The following MRE11 variants were observed in gnomAD, a reference collection of about 807,000 sequenced individuals.
MRE11 encodes the protein MRE11 double strand break repair nuclease, also known as double-strand break repair protein MRE11.
Under a neutral mutation model 91.7 loss-of-function variants are expected in MRE11, and 62 were observed. The ratio of observed to expected loss-of-function variants is 0.68; its 90% confidence interval spans 0.55 to 0.84. MRE11 has a LOEUF of 0.84. Ranked by LOEUF, MRE11 falls within the 40% of genes least tolerant of loss-of-function variation. The pLI is 0.00. For synonymous variants in MRE11, 273 were observed against 271.4 expected (o/e 1.01, Z -0.06); for missense variants, 796 against 852.9 (o/e 0.93, Z 0.83).
chr11:94,450,600 G>A (rs1259178179), intron 14 of MRE11, among the ~76,000 whole-genome samples: 68 of 151,990 alleles, frequency 4.5e-4, no homozygotes, highest in Non-Finnish European at 1.5e-5. Flanking sequence ...GCAAAAACCT[G>A]CCTCCTGAAA....
chr11:94,430,351 T>C (rs1945431495), intron 18 of MRE11, among the ~76,000 whole-genome samples: 4 of 152,206 alleles, frequency 2.6e-5, no homozygotes, highest in South Asian at 2.1e-4. Context: ...TACTTACTTA[T>C]ATTATTATAG....
chr11:94,465,054 G>A (rs899988750), intron 10 of MRE11, among the ~76,000 whole-genome samples: 4 of 152,060 alleles, frequency 2.6e-5, no homozygotes, highest in South Asian at 2.1e-4. Context: ...TAAGCTCGAC[G>A]AATTCAAAAC....
At chr11:94,489,294 G>A (rs1661231103) in intron 3 of MRE11, among the ~76,000 whole-genome samples, 1 of 151,676 alleles carries the variant, frequency 6.6e-6, no homozygotes, top group Non-Finnish European at 1.5e-5. Flanking sequence ...AGATGTGCAA[G>A]GGCCTCAGAG....
chr11:94,509,376 T>C, the MRE11 span, among the ~76,000 whole-genome samples: 1 of 152,210 alleles, frequency 6.6e-6, no homozygotes, highest in Admixed American at 6.5e-5. Flanking sequence ...TTTTCTCTAT[T>C]GACCATGTGT....
upstream of MRE11, among the ~76,000 whole-genome samples, chr11:94,494,858 T>G (rs1026228890): frequency 6.6e-6 from 1 of 152,162 alleles, no homozygotes; most frequent in Non-Finnish European, 1.5e-5. Context: ...CAAGTGAACT[T>G]TTATTTATTA....
At chr11:94,486,258 T>C (rs1375894076) in intron 3 of MRE11, among the ~76,000 whole-genome samples, 174 bp from the exon 4 acceptor site, 4 of 152,248 alleles carry the variant, frequency 2.6e-5, no homozygotes, top group Non-Finnish European at 5.9e-5. Context: ...AATCTGGTTC[T>C]AATTTAGCTG....
intron 10 of MRE11, chr11:94,466,484 T>A: frequency 1.9e-6 from 1 of 532,352 alleles, no homozygotes; most frequent in Non-Finnish European, 3.9e-6. Context: ...TTAGATCTCA[T>A]AAATCTACGA....
At chr11:94,477,081 T>C (rs748737283) in intron 6 of MRE11, among the ~76,000 whole-genome samples, 1 of 152,202 alleles carries the variant, frequency 6.6e-6, no homozygotes, top group East Asian at 1.9e-4. Context: ...ATTTCAGACA[T>C]ATACATGTTC....
upstream of MRE11, chr11:94,497,001 G>A: frequency 1.2e-6 from 2 of 1,607,110 alleles, no homozygotes; most frequent in South Asian, 2.2e-5. Context: ...AAAGCACTGG[G>A]TTCAAGCCAG....
rs876658586 is a variant in MRE11 at position 94,479,712 on chromosome 11, C to G, written c.364G>C (p.Val122Leu). The G allele has an allele frequency of 1.4e-5, 22 of 1,612,982 alleles. No homozygotes were observed. The highest frequency in any genetic ancestry group is 1.9e-5 in the Non-Finnish European group (22 of 1,179,700). Residue 122 changes from valine (V) to leucine (L), a missense_variant, in exon 5 of 20, where the codon GTG (valine) becomes CTG (leucine). Coordinates refer to ENST00000323929, the MANE Select transcript of MRE11 (RefSeq NM_005591.4). ...TCATGATTGCCATGAATACTAAACA[C>G]TGGAATTGAAATGTTGAGGTTGCCA... ...QDGNLNISIP[V>L]FSIHGNHDDP...
At chr11:94,448,647 A>C (rs1323351054) in intron 14 of MRE11, among the ~76,000 whole-genome samples, 3 of 152,054 alleles carry the variant, frequency 2.0e-5, no homozygotes, top group Non-Finnish European at 4.4e-5. Context: ...ATTAAGGAGA[A>C]TATATCAACT....
At chr11:94,508,763 CTT>C in the MRE11 span, among the ~76,000 whole-genome samples, 14 of 139,064 alleles carry the variant, frequency 1.0e-4, no homozygotes, top group African/African-American at 2.1e-4. Flanking sequence ...CTACATTTAC[CTT>C]TTTTTTTTTT....
chr11:94,504,818 CTT>C, the MRE11 span, among the ~76,000 whole-genome samples: 4 of 152,116 alleles, frequency 2.6e-5, no homozygotes, highest in Non-Finnish European at 5.9e-5. Context: ...TTGATAAAGA[CTT>C]CATTTTTTAC....
In MRE11 at chr11:94,459,430, A is replaced by C. The variant is rs786203158; in HGVS notation, c.1478T>G (p.Leu493Arg). Residue 493 changes from leucine to arginine, a missense_variant, in exon 13 of 20, where the codon CTC (leucine) becomes CGC (arginine). Leu to Arg is a moderately radical substitution (Grantham distance 102, BLOSUM62 -2). Coordinates refer to ENST00000323929, the MANE Select transcript of MRE11 (RefSeq NM_005591.4). Reference protein sequence around the residue: ...RFLKERHIDALEDKIDEEVRR... With the variant: ...RFLKERHIDAREDKIDEEVRR... ...TACCTCCTCATCGATTTTGTCTTCG[A>C]GGGCATCAATATGACGTTCTTTAAG... is the stretch of plus-strand genomic sequence containing the variant. The C allele has an allele frequency of 3.1e-6, 5 of 1,613,888 alleles. No individual in the cohort carries two copies. In the Admixed American group the frequency reaches 8.3e-5, roughly 27 times the overall value.
At position 94,435,919 on chromosome 11, in the gene MRE11, A is replaced by G; in HGVS notation, c.1927-20T>C. The G allele has an allele frequency of 6.2e-7, 1 of 1,608,220 alleles. No homozygotes were observed. The highest frequency in any genetic ancestry group is 8.5e-7 in the Non-Finnish European group (1 of 1,174,942). On this transcript the variant is annotated intron_variant, in intron 17 of 19. Coordinates refer to ENST00000323929, the MANE Select transcript of MRE11 (RefSeq NM_005591.4). The stretch of plus-strand genomic sequence containing the variant: ...AATCACCTGGCAAGGAAACAAAGCA[A>G]CAAACAGTTTTTGTGAGAATAGACT...
At chr11:94,494,625 A>C (rs555505826), upstream of MRE11, among the ~76,000 whole-genome samples, 77 of 152,266 alleles carry the variant, frequency 5.1e-4, no homozygotes, top group South Asian at 1.4e-3. Context: ...TATCAGGAAT[A>C]TCATCATCAA....
intron 19 of MRE11, among the ~76,000 whole-genome samples, chr11:94,424,381 T>G (rs1325551250): frequency 1.3e-5 from 2 of 152,106 alleles, no homozygotes; most frequent in Admixed American, 6.5e-5. Flanking sequence ...TACACTGCAG[T>G]TAAAGGAACA....
At chr11:94,421,335 A>G (rs951376916) in intron 19 of MRE11, among the ~76,000 whole-genome samples, 5 of 152,250 alleles carry the variant, frequency 3.3e-5, no homozygotes, top group African/African-American at 4.8e-5. Context: ...TGTTAGCTAA[A>G]TTAACTATCT....
chr11:94,451,194 AGAAG>A (rs1433960655), intron 14 of MRE11, among the ~76,000 whole-genome samples: 5 of 152,266 alleles, frequency 3.3e-5, no homozygotes, highest in African/African-American at 1.2e-4. Flanking sequence ...AAAAAAAGAA[AGAAG>A]GAAGAATGGG....
Sources: gnomAD v4.1 joint callset for allele counts (sites outside exome capture counted in the v4.1 genomes callset) on GRCh38, gnomAD v4.1.1 for gene constraint, MANE v1.5 for transcripts, NCBI Gene and HGNC (gene_info 2026-07-23, HGNC 2026-07-21) for gene names.